ROBO2: variants seen among roughly 807,000 people sequenced by gnomAD.
ROBO2 encodes the protein roundabout guidance receptor 2.
ROBO2 carries 53 observed loss-of-function variants against 160.8 expected under a neutral mutation model. The ratio of observed to expected loss-of-function variants is 0.33; its 90% CI spans 0.26 to 0.41. The LOEUF (loss-of-function observed/expected upper bound fraction) is 0.41. ROBO2 is among the 10% of genes least tolerant of loss of function. ROBO2 has a pLI of 1.00. For synonymous variants in ROBO2, 664 were observed against 611.7 expected (o/e 1.09, Z -1.26); for missense variants, 1,577 against 1,722.4 (o/e 0.92, Z 1.49).
chr3:76,113,091 A>C (rs2070311528), intron 2 of ROBO2, among the ~76,000 whole-genome samples: 1 of 152,080 alleles, frequency 6.6e-6, no homozygotes, highest in Admixed American at 6.6e-5. Flanking sequence ...AGGTTGCTAT[A>C]TTTATAGACT....
intron 2 of ROBO2, among the ~76,000 whole-genome samples, chr3:76,395,038 G>A (rs529941841): frequency 5.1e-4 from 77 of 151,866 alleles, no homozygotes; most frequent in South Asian, 3.5e-3. Flanking sequence ...TTTCAGCACC[G>A]CACCACACCT....
chr3:76,128,785 A>T (rs1374533884), intron 2 of ROBO2, among the ~76,000 whole-genome samples: 3 of 152,138 alleles, frequency 2.0e-5, no homozygotes, highest in Non-Finnish European at 4.4e-5. Flanking sequence ...CTGTATTTTT[A>T]AAAAAGATTT....
chr3:76,095,445 A>T (rs536813677), intron 2 of ROBO2, among the ~76,000 whole-genome samples: 10 of 152,270 alleles, frequency 6.6e-5, no homozygotes, highest in East Asian at 3.9e-4. Context: ...TGTTACAAAC[A>T]TCTGTGCAAA....
At chr3:76,499,852 G>T (rs1253823166) in intron 2 of ROBO2, among the ~76,000 whole-genome samples, 1 of 152,054 alleles carries the variant, frequency 6.6e-6, no homozygotes, top group Admixed American at 6.6e-5. Context: ...TACAGACTAT[G>T]AATTCTCCTT....
In ROBO2 at chr3:76,131,574, T is replaced by A. The variant is rs555804273; in HGVS notation, c.109+193972T>A. Among the ~76,000 whole-genome samples, 30 of 152,204 alleles carry A rather than the reference T, an allele frequency of 2.0e-4. 1 individual carries two copies. The South Asian group carries it at 5.2e-3, about 26-fold the overall frequency. Reference sequence around the variant, plus strand: ...AGTAGTTCCCTTTGGTAAGGTTTTTTCCTTGGGCAGGAATCAACTGAGACC... The same window carrying A: ...AGTAGTTCCCTTTGGTAAGGTTTTTACCTTGGGCAGGAATCAACTGAGACC... On this transcript the variant is annotated intron_variant, in intron 2 of 26. Coordinates refer to the ROBO2 transcript ENST00000487694.
intron 2 of ROBO2, among the ~76,000 whole-genome samples, chr3:77,366,380 C>G (rs146347354): frequency 1.3e-4 from 19 of 151,988 alleles, no homozygotes; most frequent in South Asian, 6.2e-4. Context: ...GAATTAGTGC[C>G]CTTAGAAAGG....
chr3:76,348,283 T>C (rs1363729257), intron 2 of ROBO2, among the ~76,000 whole-genome samples: 1 of 152,078 alleles, frequency 6.6e-6, no homozygotes, highest in Non-Finnish European at 1.5e-5. Context: ...AGGCAAGTAA[T>C]TGTTGGGAGA....
chr3:76,781,330 T>C (rs1223055244), intron 2 of ROBO2, among the ~76,000 whole-genome samples: 1 of 150,702 alleles, frequency 6.6e-6, no homozygotes, highest in Non-Finnish European at 1.5e-5. Flanking sequence ...GGGTTTTCTA[T>C]ATATAAGATC....
intron 2 of ROBO2, among the ~76,000 whole-genome samples, chr3:77,236,834 A>T (rs2088063326): frequency 6.6e-6 from 1 of 152,110 alleles, no homozygotes; most frequent in Non-Finnish European, 1.5e-5. Flanking sequence ...TCAGTAATAT[A>T]CATTTAAGTT....
intron 2 of ROBO2, among the ~76,000 whole-genome samples, chr3:76,374,743 T>C (rs2076261347): frequency 6.6e-6 from 1 of 152,010 alleles, no homozygotes; most frequent in Non-Finnish European, 1.5e-5. Flanking sequence ...AAAGCTGTTT[T>C]GAGAATGACT....
chr3:76,753,284 A>G (rs2060782260), intron 2 of ROBO2, among the ~76,000 whole-genome samples: 1 of 151,892 alleles, frequency 6.6e-6, no homozygotes, highest in Non-Finnish European at 1.5e-5. Flanking sequence ...AGCAAGAAAA[A>G]AGTTTTAAAA....
intron 24 of ROBO2, 46 bp downstream of exon 25, chr3:77,635,089 C>T: frequency 6.3e-7 from 1 of 1,586,762 alleles, no homozygotes; most frequent in Admixed American, 1.7e-5. Context: ...AAGAGACGTG[C>T]TCCATGCAAT....
intron 2 of ROBO2, among the ~76,000 whole-genome samples, chr3:76,577,240 A>G (rs899752729): frequency 2.5e-4 from 38 of 152,084 alleles, no homozygotes; most frequent in African/African-American, 9.2e-4. Context: ...TTTTTAGGAA[A>G]TAATACTTTG....
At chr3:76,414,396 G>A (rs907586921) in intron 2 of ROBO2, among the ~76,000 whole-genome samples, 7 of 151,954 alleles carry the variant, frequency 4.6e-5, no homozygotes, top group African/African-American at 1.7e-4. Context: ...ATATCATCTG[G>A]ACTGAATCTT....
intron 2 of ROBO2, among the ~76,000 whole-genome samples, chr3:76,242,370 TTATAA>T (rs1705342896): frequency 6.6e-6 from 1 of 152,110 alleles, no homozygotes; most frequent in Non-Finnish European, 1.5e-5. Context: ...CCTTGTACTA[TTATAA>T]TATTAGATAC....
At position 76,980,669 on chromosome 3, in the gene ROBO2, C is replaced by CT. The variant is rs979567759; in HGVS notation, c.110-117337dup. On this transcript the variant is annotated intron_variant, in intron 2 of 26. Transcript: ENST00000487694. ...TAATAATCTTGGTAATCTTTTCTTG[C>CT]TTTTTTTTGGTAACAGCTTTTATTG... Among the ~76,000 whole-genome samples, 5 of 151,568 alleles carry CT rather than the reference C, an allele frequency of 3.3e-5. No homozygotes were observed. The South Asian group carries it at 6.3e-4, about 19-fold the overall frequency.
chr3:76,045,297 C>G (rs995197938), intron 2 of ROBO2, among the ~76,000 whole-genome samples: 8 of 152,136 alleles, frequency 5.3e-5, no homozygotes, highest in African/African-American at 1.9e-4. Context: ...CTCACTCAAA[C>G]ATAGAATCTT....
intron 2 of ROBO2, among the ~76,000 whole-genome samples, chr3:76,110,236 T>G (rs2070164457): frequency 6.6e-6 from 1 of 151,960 alleles, no homozygotes; most frequent in African/African-American, 2.4e-5. Flanking sequence ...CTTCTTAAGG[T>G]TTTAAGTATA....
chr3:76,683,463 GA>G lies in ROBO2; in HGVS notation c.110-414534del, dbSNP rs5850282. 2.1e-3 allele frequency among the ~76,000 whole-genome samples: 245 copies of G among 117,668 alleles called. 2 individuals carry two copies. Among genetic ancestry groups the G allele is most frequent in the Admixed American group, 7.0e-3 (78 of 11,132 alleles). 77.2% of individuals were successfully genotyped at this position (117,668 alleles called of 152,430 possible). ...GTTCTTTTTATAAGTAACCCCCACC[GA>G]AAAAAAAAAAAAAAAACCTGGAAAA... On this transcript the variant is annotated intron_variant, in intron 2 of 26. Coordinates refer to the ROBO2 transcript ENST00000487694.
Sources: gnomAD v4.1 joint callset for allele counts (sites outside exome capture counted in the v4.1 genomes callset) on GRCh38, gnomAD v4.1.1 for gene constraint, MANE v1.5 for transcripts, NCBI Gene and HGNC (gene_info 2026-07-23, HGNC 2026-07-21) for gene names.